FANCA: variants seen among roughly 807,000 people sequenced by gnomAD.
FANCA encodes the protein FA complementation group A, also known as Fanconi anemia group A protein.
Under a neutral mutation model 194.3 loss-of-function variants are expected in FANCA, and 236 were observed. The ratio of observed to expected loss-of-function variants is 1.21; its 90% CI spans 1.09 to 1.35. The LOEUF (loss-of-function observed/expected upper bound fraction) is 1.35, where lower values mean the gene tolerates loss of function less well. Among genes scored for constraint, FANCA ranks in the 40% most tolerant of loss-of-function variants. FANCA has a pLI of 0.00. For missense variants in FANCA, 2,628 were observed against 1,813.9 expected, an observed-to-expected ratio of 1.45 and a Z score of -8.15; for synonymous variants, 1,014 against 715.8, an observed-to-expected ratio of 1.42 and a Z score of -6.65.
intron 20 of FANCA, among the ~76,000 whole-genome samples, chr16:89,777,308 G>A (rs769131742): frequency 6.6e-6 from 1 of 152,200 alleles, no homozygotes; most frequent in Admixed American, 6.5e-5. Flanking sequence ...TTGAAGCCCA[G>A]GAGGTCAAGG....
At chr16:89,739,828 T>G in intron 39 of FANCA, 166 bp downstream of exon 39, 1 of 1,477,950 alleles carries the variant, frequency 6.8e-7, no homozygotes, top group East Asian at 2.4e-5. Flanking sequence ...GCCAGTAAAT[T>G]ATCTTATTGC....
At chr16:89,798,814 G>A in intron 10 of FANCA, 3 of 1,451,448 alleles carry the variant, frequency 2.1e-6, no homozygotes, top group African/African-American at 2.8e-5. Context: ...TGAGAGGCAG[G>A]GCCAGCTCTA....
chr16:89,791,685 G>A (rs925702174), intron 13 of FANCA, 149 bp from the exon 14 acceptor site: 1 of 1,189,824 alleles, frequency 8.4e-7, no homozygotes, highest in African/African-American at 1.5e-5. Flanking sequence ...ATTACAGCAT[G>A]TCAAGTGCAA....
Position 89,740,062 on chromosome 16 carries a change from G to T in FANCA, c.3866C>A (p.Ala1289Glu). The change falls in exon 39 of 43, where the codon GCA becomes GAA. Residue 1289 changes from alanine to glutamate, a missense_variant. Transcript: ENST00000389301. ...CTTCTCTAAACACTCGAGGATTGCT[G>T]CACAAACGTGGAAAGCCTTTGGCAG... is the stretch of plus-strand genomic sequence containing the variant. The part of the protein sequence containing the change: ...TDLPKAFHVC[A>E]AILECLEKRK... The T allele has an allele frequency of 6.2e-7, 1 of 1,614,186 alleles. No individual in the cohort carries two copies. Among genetic ancestry groups the T allele is most frequent in the Non-Finnish European group, 8.5e-7 (1 of 1,180,034 alleles).
At chr16:89,785,429 C>A (rs1362207933) in intron 14 of FANCA, among the ~76,000 whole-genome samples, 1 of 152,290 alleles carries the variant, frequency 6.6e-6, no homozygotes, top group South Asian at 2.1e-4. Context: ...AACTTCTAAC[C>A]TCATCCACCA....
chr16:89,738,192 A>G lies in FANCA; in HGVS notation c.*409T>C. On this transcript the variant is annotated 3_prime_UTR_variant, in exon 43 of 43. Coordinates refer to ENST00000389301, the MANE Select transcript of FANCA (RefSeq NM_000135.4). Reference sequence around the variant, plus strand: ...TGGAGGCGGAACCACCACCTGGGCCACCGAGCCCCTCTGTGACCACAGAGG... The same window carrying G: ...TGGAGGCGGAACCACCACCTGGGCCGCCGAGCCCCTCTGTGACCACAGAGG... 6.2e-7 allele frequency: 1 copy of G among 1,611,076 alleles called. No homozygotes were observed. The highest frequency in any genetic ancestry group is 1.7e-5 in the Admixed American group (1 of 59,728).
rs2040591452 is a variant in FANCA, at chr16:89,805,157, G to T, written c.709+123C>A. The T allele has an allele frequency of 4.0e-6, 3 of 750,464 alleles. No homozygotes were observed. The East Asian group carries it at 8.2e-5, about 20-fold the overall frequency. 46.5% of individuals were successfully genotyped at this position (750,464 alleles called of 1,614,324 possible). A position where few individuals can be genotyped will look rare whatever the true frequency, so the allele number is the denominator to read the frequency against. On this transcript the variant is annotated intron_variant, in intron 7 of 42. Coordinates refer to ENST00000389301, the MANE Select transcript of FANCA (RefSeq NM_000135.4). The stretch of plus-strand genomic sequence containing the variant: ...CAGGCTGAGACTGGGAGTCTGTCAT[G>T]CCAGGTTCCCACGGCCACGGAGAGA...
intron 26 of FANCA, among the ~76,000 whole-genome samples, chr16:89,769,096 C>T (rs2039231374): frequency 6.6e-6 from 1 of 152,222 alleles, no homozygotes; most frequent in Non-Finnish European, 1.5e-5. Flanking sequence ...TCTTGCGCCT[C>T]TTCTAAGTTC....
At chr16:89,802,330 T>C (rs954977165) in intron 8 of FANCA, among the ~76,000 whole-genome samples, 1 of 151,758 alleles carries the variant, frequency 6.6e-6, no homozygotes, top group Non-Finnish European at 1.5e-5. Flanking sequence ...CTTGAACTCC[T>C]GACCTCAGGG....
At chr16:89,793,966 G>A (rs1327363417) in intron 11 of FANCA, among the ~76,000 whole-genome samples, 1 of 152,036 alleles carries the variant, frequency 6.6e-6, no homozygotes, top group East Asian at 1.9e-4. Flanking sequence ...TGGCCAGGCT[G>A]GTCTCGAACT....
intron 22 of FANCA, among the ~76,000 whole-genome samples, chr16:89,772,871 T>C (rs532000082): frequency 6.6e-6 from 1 of 151,836 alleles, no homozygotes; most frequent in African/African-American, 2.4e-5. Context: ...AGATGAACAT[T>C]TCTTACTCTG....
Position 89,771,682 on chromosome 16 carries a change from T to C in FANCA, c.2147A>G (p.His716Arg), listed in dbSNP as rs751474452. Residue 716 changes from histidine (H) to arginine (R), a missense_variant, in exon 23 of 43, where the codon CAC becomes CGC. Transcript: ENST00000389301. The part of the protein sequence containing the change: ...INTPRLEPRE[H>R]MAVDLLLTSF... ...GTTCTGAGCCCCTACACCTACCATG[T>C]GTTCCCGTGGCTCCAGTCTCGGCGT... is the stretch of plus-strand genomic sequence containing the variant. The C allele has an allele frequency of 1.8e-5, 29 of 1,614,046 alleles. No individual in the cohort carries two copies. Among genetic ancestry groups the C allele is most frequent in the Non-Finnish European group, 6.8e-6 (8 of 1,180,026 alleles).
At chr16:89,743,144 A>T (rs2062175634) in intron 36 of FANCA, among the ~76,000 whole-genome samples, 1 of 152,166 alleles carries the variant, frequency 6.6e-6, no homozygotes, top group Non-Finnish European at 1.5e-5. Context: ...CCCCCACAGC[A>T]TCCTGGCGTT....
intron 37 of FANCA, 127 bp from the exon 38 acceptor site, chr16:89,740,993 T>C (rs1242947943): frequency 7.1e-6 from 6 of 847,800 alleles, no homozygotes; most frequent in Non-Finnish European, 1.2e-5. Flanking sequence ...TAAGTGGATC[T>C]TAGAAAACTT....
chr16:89,812,784 C>T (rs895281911), intron 3 of FANCA, among the ~76,000 whole-genome samples: 1 of 151,836 alleles, frequency 6.6e-6, no homozygotes, highest in Non-Finnish European at 1.5e-5. Context: ...CCTGTAATCC[C>T]AACACTGCAG....
At chr16:89,786,181 GTTT>G (rs60395462) in intron 14 of FANCA, among the ~76,000 whole-genome samples, 1 of 147,160 alleles carries the variant, frequency 6.8e-6, no homozygotes, top group African/African-American at 2.5e-5. Flanking sequence ...ACCAAGCCCG[GTTT>G]TTTTTTTCCT....
chr16:89,743,442 C>G (rs1368811786), intron 36 of FANCA, among the ~76,000 whole-genome samples: 1 of 152,244 alleles, frequency 6.6e-6, no homozygotes, highest in Non-Finnish European at 1.5e-5. Context: ...TGACGGTTCA[C>G]ATCTGCAATC....
chr16:89,802,266 ATTTT>A (rs71391244), intron 8 of FANCA, among the ~76,000 whole-genome samples: 5 of 136,240 alleles, frequency 3.7e-5, no homozygotes, highest in African/African-American at 1.1e-4. Context: ...ACGCCCGGCT[ATTTT>A]TTTTTTTTTT....
At chr16:89,812,406 G>C (rs2040921225) in intron 3 of FANCA, among the ~76,000 whole-genome samples, 1 of 151,842 alleles carries the variant, frequency 6.6e-6, no homozygotes, top group Non-Finnish European at 1.5e-5. Context: ...CAGCACTTTG[G>C]GAGGCCGAGG....
Sources: allele counts gnomAD v4.1 joint callset (sites outside exome capture counted in the v4.1 genomes callset), GRCh38; gene constraint gnomAD v4.1.1; transcripts MANE v1.5; gene names NCBI Gene and HGNC (gene_info 2026-07-23, HGNC 2026-07-21).